SMARCC1: variants seen among roughly 807,000 people sequenced by gnomAD.
SMARCC1 encodes SWI/SNF related BAF chromatin remodeling complex subunit C1, also known as SWI/SNF complex subunit SMARCC1.
SMARCC1 carries 43 observed loss-of-function variants against 147.4 expected under a neutral mutation model. The ratio of observed to expected loss-of-function variants is 0.29; its 90% CI spans 0.23 to 0.38. SMARCC1 has a LOEUF of 0.38. Among genes scored for constraint, SMARCC1 ranks in the 10% least tolerant of loss-of-function variants. SMARCC1 has a pLI of 1.00. For missense variants in SMARCC1, 1,119 were observed against 1,381.1 expected (o/e 0.81, Z 3.01); for synonymous variants, 495 against 484.4 (o/e 1.02, Z -0.29).
intron 17 of SMARCC1, among the ~76,000 whole-genome samples, chr3:47,676,179 T>C (rs1027092873): frequency 6.6e-6 from 1 of 152,194 alleles, no homozygotes; most frequent in Non-Finnish European, 1.5e-5. Flanking sequence ...CTTAATGCTA[T>C]ATATAATTTG....
intron 3 of SMARCC1, among the ~76,000 whole-genome samples, chr3:47,740,111 C>T (rs1007315227): frequency 1.4e-5 from 2 of 145,770 alleles, no homozygotes; most frequent in Non-Finnish European, 3.0e-5. Context: ...CTCAGGTGAT[C>T]GCACACCTCA....
At position 47,781,689 on chromosome 3, in the gene SMARCC1, C is replaced by T; in HGVS notation, c.109G>A (p.Gly37Ser). ...CTCTCCCAAAACTTGGTGGCCGGGC[C>T]CCCATCCTTCCGTCGATAAACAGCT... ...GLAVYRRKDG[G>S]PATKFWESPE... Residue 37 changes from glycine (G) to serine (S), a missense_variant, in exon 1 of 28, where the codon GGC (glycine) becomes AGC (serine). By Grantham distance (56) the Gly-to-Ser change is moderately conservative. Around this residue, in one of 6 missense-constraint regions of SMARCC1, gnomAD observed 542 missense variants for 611.8 expected, o/e 0.89. Transcript: ENST00000254480. 6.4e-7 allele frequency: 1 copy of T among 1,563,416 alleles called. No individual in the cohort carries two copies. The highest frequency in any genetic ancestry group is 8.6e-7 in the Non-Finnish European group (1 of 1,158,638).
intron 12 of SMARCC1, among the ~76,000 whole-genome samples, chr3:47,689,907 G>C (rs2033771502): frequency 6.6e-6 from 1 of 152,202 alleles, no homozygotes; most frequent in Non-Finnish European, 1.5e-5. Flanking sequence ...AAACTAGACA[G>C]TTGATTTCCA....
intron 14 of SMARCC1, among the ~76,000 whole-genome samples, chr3:47,683,318 T>C (rs1417799696): frequency 1.3e-5 from 2 of 151,866 alleles, no homozygotes; most frequent in Non-Finnish European, 2.9e-5. Context: ...AGTGCTGGGA[T>C]TGCAGGTGTG....
At chr3:47,629,899 A>G (rs939457901) in intron 24 of SMARCC1, among the ~76,000 whole-genome samples, 1 of 151,954 alleles carries the variant, frequency 6.6e-6, no homozygotes, top group Non-Finnish European at 1.5e-5. Context: ...ATCGTTACAT[A>G]GCAATAAATA....
intron 8 of SMARCC1, 28 bp downstream of exon 8, chr3:47,714,387 G>C (rs760361392): frequency 7.2e-7 from 1 of 1,381,680 alleles, no homozygotes; most frequent in Non-Finnish European, 1.0e-6. Context: ...AAAGATTATT[G>C]TAAGATTTTT....
chr3:47,614,511 C>T (rs974100680), intron 25 of SMARCC1, among the ~76,000 whole-genome samples: 1 of 152,158 alleles, frequency 6.6e-6, no homozygotes, highest in African/African-American at 2.4e-5. Context: ...CTATGAAATT[C>T]TTTTTTGCTG....
chr3:47,673,129 A>C (rs1271272668), intron 18 of SMARCC1, among the ~76,000 whole-genome samples: 1 of 152,018 alleles, frequency 6.6e-6, no homozygotes, highest in Non-Finnish European at 1.5e-5. Flanking sequence ...TCATGCTTGT[A>C]ATCCTAGCAC....
At chr3:47,725,389 G>A (rs1442639452) in intron 6 of SMARCC1, among the ~76,000 whole-genome samples, 1 of 152,080 alleles carries the variant, frequency 6.6e-6, no homozygotes, top group African/African-American at 2.4e-5. Context: ...GAAATTAACA[G>A]TGATGGCTGC....
chr3:47,707,201 A>T (rs953687955), intron 9 of SMARCC1, among the ~76,000 whole-genome samples: 4 of 152,012 alleles, frequency 2.6e-5, no homozygotes, highest in Non-Finnish European at 5.9e-5. Flanking sequence ...ACTCCCAGCT[A>T]CTCAGGAGGC....
intron 11 of SMARCC1, among the ~76,000 whole-genome samples, chr3:47,696,097 G>A (rs1408936255): frequency 1.4e-5 from 2 of 147,652 alleles, no homozygotes; most frequent in Non-Finnish European, 3.0e-5. Flanking sequence ...GGGGCCAGGC[G>A]AGGTGGCTCA....
At chr3:47,716,433 A>AAC (rs1553686638) in intron 7 of SMARCC1, among the ~76,000 whole-genome samples, 1 of 151,222 alleles carries the variant, frequency 6.6e-6, no homozygotes, top group Non-Finnish European at 1.5e-5. Context: ...AAAAAAAAAA[A>AAC]AAAAAACCCA....
intron 20 of SMARCC1, among the ~76,000 whole-genome samples, 195 bp downstream of exon 20, chr3:47,662,139 C>G (rs1235092687): frequency 6.6e-6 from 1 of 152,100 alleles, no homozygotes; most frequent in African/African-American, 2.4e-5. Flanking sequence ...GGACTATAGG[C>G]ATGTGCCACC....
chr3:47,670,530 G>A, intron 19 of SMARCC1, 128 bp downstream of exon 19: 1 of 688,652 alleles, frequency 1.5e-6, no homozygotes, highest in South Asian at 1.7e-5. Context: ...GCTGCACTGA[G>A]CTACCATCAG....
At chr3:47,620,989 G>A (rs1300754452) in intron 25 of SMARCC1, among the ~76,000 whole-genome samples, 1 of 152,028 alleles carries the variant, frequency 6.6e-6, no homozygotes, top group Non-Finnish European at 1.5e-5. Context: ...TCCCATTACT[G>A]GGTATATACC....
chr3:47,683,214 T>C (rs2033676955), intron 14 of SMARCC1, among the ~76,000 whole-genome samples: 2 of 151,980 alleles, frequency 1.3e-5, no homozygotes, highest in African/African-American at 2.4e-5. Context: ...GGCTCATTTT[T>C]TTTTCGTATT....
intron 1 of SMARCC1, 54 bp downstream of exon 1, chr3:47,781,549 C>T (rs1432953777): frequency 3.0e-6 from 4 of 1,335,530 alleles, no homozygotes; most frequent in Non-Finnish European, 4.0e-6. Flanking sequence ...GGCCAGCTGC[C>T]GCCTCCGGCC....
chr3:47,704,366 T>C (rs771334460), intron 10 of SMARCC1, among the ~76,000 whole-genome samples: 7 of 152,218 alleles, frequency 4.6e-5, no homozygotes, highest in Non-Finnish European at 1.0e-4. Flanking sequence ...GCGTGGTCAT[T>C]ACAAGGCAAA....
At chr3:47,700,605 G>A (rs1164084015) in intron 11 of SMARCC1, among the ~76,000 whole-genome samples, 2 of 152,066 alleles carry the variant, frequency 1.3e-5, no homozygotes, top group South Asian at 2.1e-4. Flanking sequence ...TGCAACCTCC[G>A]CCTCCTGCAA....
Sources: allele counts gnomAD v4.1 joint callset (sites outside exome capture counted in the v4.1 genomes callset), GRCh38; gene constraint gnomAD v4.1.1; regional missense constraint gnomAD v4.1.1; transcripts MANE v1.5; gene names NCBI Gene and HGNC (gene_info 2026-07-23, HGNC 2026-07-21).